The following RBM18 variants were observed in gnomAD, a reference collection of about 807,000 sequenced individuals.
RBM18 encodes probable RNA-binding protein 18.
RBM18 carries 18 observed loss-of-function variants against 26.4 expected under a neutral mutation model. That is an observed-to-expected ratio of 0.68 (90% CI 0.47 to 1.01). The LOEUF (loss-of-function observed/expected upper bound fraction) is 1.01. Ranked by LOEUF, RBM18 falls within the 50% of genes least tolerant of loss-of-function variation. RBM18 has a pLI of 0.00. For synonymous variants in RBM18, 74 were observed against 81.1 expected (o/e 0.91, Z 0.47); for missense variants, 180 against 219.2 (o/e 0.82, Z 1.13).
At chr9:122,245,063 TG>T (rs999715944) in intron 5 of RBM18, among the ~76,000 whole-genome samples, 192 bp downstream of exon 5, 3 of 152,158 alleles carry the variant, frequency 2.0e-5, no homozygotes, top group African/African-American at 7.2e-5. Context: ...ATTCTGTAAA[TG>T]GGGAGTATAT....
In RBM18 at chr9:122,240,666, TG is replaced by T. The variant is rs1831402280; in HGVS notation, c.*1217del. On this transcript the variant is annotated 3_prime_UTR_variant, in exon 6 of 6. Coordinates refer to ENST00000417201, the MANE Select transcript of RBM18 (RefSeq NM_033117.4). ...TGGCATCAAAATGACCAAAATGTGCTGAAGAAACACATCCCTAAATCTGTTG... is the reference window on the plus strand; with the variant it reads ...TGGCATCAAAATGACCAAAATGTGCTAAGAAACACATCCCTAAATCTGTTG... 1 of 152,244 alleles carries T rather than the reference TG, an allele frequency of 6.6e-6. No homozygotes were observed. The highest frequency in any genetic ancestry group is 6.5e-5 in the Admixed American group (1 of 15,288). 9.4% of individuals were successfully genotyped at this position (152,244 alleles called of 1,614,324 possible).
At chr9:122,248,079 C>T (rs1172377725) in intron 3 of RBM18, among the ~76,000 whole-genome samples, 1 of 152,184 alleles carries the variant, frequency 6.6e-6, no homozygotes, top group Non-Finnish European at 1.5e-5. Context: ...GCTACTGCGC[C>T]TGGCTAAGGG....
intron 2 of RBM18, among the ~76,000 whole-genome samples, chr9:122,257,835 G>A (rs1295312315): frequency 1.3e-5 from 2 of 152,166 alleles, no homozygotes; most frequent in African/African-American, 4.8e-5. Context: ...GGTAAGAAGG[G>A]TCTGTTGAAT....
chr9:122,263,302 T>TA (rs1432285177), intron 1 of RBM18, among the ~76,000 whole-genome samples: 2 of 152,228 alleles, frequency 1.3e-5, no homozygotes, highest in Non-Finnish European at 1.5e-5. Flanking sequence ...TAGGAACTGT[T>TA]AAACTCTGGG....
intron 3 of RBM18, among the ~76,000 whole-genome samples, chr9:122,248,749 T>G (rs1002901280): frequency 2.0e-5 from 3 of 152,208 alleles, no homozygotes; most frequent in Non-Finnish European, 4.4e-5. Context: ...TTCAGCCAAG[T>G]GTAACCCATG....
chr9:122,243,483 GA>G (rs1831457226), intron 5 of RBM18, among the ~76,000 whole-genome samples: 2 of 152,268 alleles, frequency 1.3e-5, no homozygotes, highest in East Asian at 1.9e-4. Context: ...GAAGGGAGAG[GA>G]GATCTTAGAG....
At position 122,256,271 on chromosome 9, in the gene RBM18, A is replaced by G. The variant is rs551926496; in HGVS notation, c.114-4298T>C. ...GTCAGAAAGATCTTCCTCATTTTCT[A>G]CTTAACACATAACAATCTTTCTTAT... is the stretch of plus-strand genomic sequence containing the variant. On this transcript the variant is annotated intron_variant, in intron 2 of 5. Transcript: ENST00000417201. 2.6e-5 allele frequency among the ~76,000 whole-genome samples: 4 copies of G among 152,342 alleles called. No individual in the cohort carries two copies. In the South Asian group the frequency reaches 8.3e-4, roughly 32 times the overall value.
intron 2 of RBM18, among the ~76,000 whole-genome samples, chr9:122,252,369 C>T (rs1373371559): frequency 6.6e-6 from 1 of 152,094 alleles, no homozygotes; most frequent in African/African-American, 2.4e-5. Context: ...AAACACACAC[C>T]CATTCTCCAA....
intron 5 of RBM18, among the ~76,000 whole-genome samples, 188 bp from the exon 6 acceptor site, chr9:122,242,231 G>A (rs1035667764): frequency 3.3e-5 from 5 of 152,202 alleles, no homozygotes; most frequent in Non-Finnish European, 5.9e-5. Flanking sequence ...GATCAAGTCT[G>A]AGCCATCTAT....
chr9:122,247,662 T>C (rs1831526169), intron 3 of RBM18, 58 bp from the exon 4 acceptor site: 1 of 1,328,984 alleles, frequency 7.5e-7, no homozygotes, highest in East Asian at 2.3e-5. Context: ...TAGCTATATG[T>C]ATTCTCACAG....
At chr9:122,255,775 C>T (rs948985274) in intron 2 of RBM18, among the ~76,000 whole-genome samples, 6 of 152,072 alleles carry the variant, frequency 3.9e-5, no homozygotes, top group African/African-American at 1.2e-4. Context: ...TCCTGCATAT[C>T]GATGTAAAAT....
intron 2 of RBM18, among the ~76,000 whole-genome samples, chr9:122,256,848 C>G (rs1831705178): frequency 6.6e-6 from 1 of 152,130 alleles, no homozygotes; most frequent in Admixed American, 6.5e-5. Flanking sequence ...CAGTCTAGAG[C>G]TAGAAGTAAT....
At chr9:122,258,536 G>C (rs1289614852) in intron 2 of RBM18, among the ~76,000 whole-genome samples, 1 of 152,008 alleles carries the variant, frequency 6.6e-6, no homozygotes, top group East Asian at 1.9e-4. Flanking sequence ...CAAAGTGCTG[G>C]GATTACAGGT....
chr9:122,248,940 G>C (rs1406209453), intron 3 of RBM18, among the ~76,000 whole-genome samples: 1 of 152,164 alleles, frequency 6.6e-6, no homozygotes, highest in Non-Finnish European at 1.5e-5. Context: ...TGTGTAGTAG[G>C]CATTGGATAT....
At chr9:122,261,926 C>T (rs1481266952) in intron 1 of RBM18, among the ~76,000 whole-genome samples, 1 of 151,886 alleles carries the variant, frequency 6.6e-6, no homozygotes, top group African/African-American at 2.4e-5. Flanking sequence ...CCCTTTTCCT[C>T]ATGGAAGAGG....
At chr9:122,264,146 A>G (rs544623273) in intron 1 of RBM18, among the ~76,000 whole-genome samples, 1 of 152,334 alleles carries the variant, frequency 6.6e-6, no homozygotes, top group South Asian at 2.1e-4. Flanking sequence ...TTGGTGCTTA[A>G]TATTTACTAA....
intron 3 of RBM18, among the ~76,000 whole-genome samples, chr9:122,251,565 G>A (rs1331062337): frequency 6.6e-6 from 1 of 152,206 alleles, no homozygotes; most frequent in Non-Finnish European, 1.5e-5. Context: ...AGAGAATAGG[G>A]AGGGGGATGT....
At chr9:122,246,872 T>TAAA (rs1342591093) in intron 4 of RBM18, among the ~76,000 whole-genome samples, 6 of 152,142 alleles carry the variant, frequency 3.9e-5, no homozygotes, top group Non-Finnish European at 8.8e-5. Context: ...CAACACACTT[T>TAAA]ACCACCTCTG....
chr9:122,264,249 TTAAA>T (rs751543683), intron 1 of RBM18, among the ~76,000 whole-genome samples: 14 of 152,352 alleles, frequency 9.2e-5, no homozygotes, highest in South Asian at 4.1e-4. Flanking sequence ...GTTGTGAGTC[TTAAA>T]TAAGACAATT....
Sources: gnomAD v4.1 joint callset for allele counts (sites outside exome capture counted in the v4.1 genomes callset) on GRCh38, gnomAD v4.1.1 for gene constraint, MANE v1.5 for transcripts, NCBI Gene and HGNC (gene_info 2026-07-23, HGNC 2026-07-21) for gene names.